GABBR2: variants seen among roughly 807,000 people sequenced by gnomAD.
GABBR2 encodes G-protein coupled receptor 51.
Under a neutral mutation model 105.6 loss-of-function variants are expected in GABBR2, and 23 were observed. That is an observed-to-expected ratio of 0.22 (90% CI 0.16 to 0.31). The LOEUF (loss-of-function observed/expected upper bound fraction) is 0.31, where lower values mean the gene tolerates loss of function less well. Among genes scored for constraint, GABBR2 ranks in the 10% least tolerant of loss-of-function variants. GABBR2 has a pLI of 1.00. For missense variants in GABBR2, 734 were observed against 1,245.5 expected (o/e 0.59, Z 6.18); for synonymous variants, 478 against 499.7 (o/e 0.96, Z 0.58).
chr9:98,594,788 G>C (rs1014669277), intron 1 of GABBR2, among the ~76,000 whole-genome samples: 7 of 152,236 alleles, frequency 4.6e-5, no homozygotes, highest in Admixed American at 4.6e-4. Flanking sequence ...TTGTATAACA[G>C]GGAAGTAATG....
intron 12 of GABBR2, among the ~76,000 whole-genome samples, chr9:98,366,897 CAGA>C (rs1191798536): frequency 6.6e-6 from 1 of 152,178 alleles, no homozygotes; most frequent in Non-Finnish European, 1.5e-5. Context: ...GCCCCCAGAA[CAGA>C]AGGTGTCATC....
chr9:98,475,988 T>C (rs1459209308), intron 5 of GABBR2, among the ~76,000 whole-genome samples: 1 of 152,034 alleles, frequency 6.6e-6, no homozygotes, highest in Admixed American at 6.6e-5. Context: ...TGCTTGAACC[T>C]GGGAGGCAGA....
intron 13 of GABBR2, among the ~76,000 whole-genome samples, chr9:98,318,152 C>A (rs1314944112): frequency 1.3e-5 from 2 of 152,172 alleles, no homozygotes; most frequent in Non-Finnish European, 2.9e-5. Flanking sequence ...TGGCTTCTCA[C>A]TCGATAATGT....
chr9:98,452,086 C>CT (rs1826242094), intron 7 of GABBR2, among the ~76,000 whole-genome samples: 1 of 152,226 alleles, frequency 6.6e-6, no homozygotes, highest in Non-Finnish European at 1.5e-5. Flanking sequence ...GCCACAGGCT[C>CT]TAGGACAGGG....
At chr9:98,318,898 T>TGTGTGTGTGTGTGTGTTGGGG (rs371253723) in intron 13 of GABBR2, among the ~76,000 whole-genome samples, 5 of 131,912 alleles carry the variant, frequency 3.8e-5, no homozygotes, top group Non-Finnish European at 8.4e-5. Flanking sequence ...AGTTTGTGTG[T>TGTGTGTGTGTGTGTGTTGGGG]GTGTGTGTGT....
chr9:98,655,089 A>G (rs1830160720), intron 1 of GABBR2, among the ~76,000 whole-genome samples: 1 of 152,182 alleles, frequency 6.6e-6, no homozygotes, highest in Non-Finnish European at 1.5e-5. Context: ...GGCAGGGATA[A>G]ATAGGGGAGC....
At chr9:98,443,216 G>T (rs761141683) in intron 7 of GABBR2, among the ~76,000 whole-genome samples, 1 of 152,130 alleles carries the variant, frequency 6.6e-6, no homozygotes, top group Non-Finnish European at 1.5e-5. Flanking sequence ...CTTCCAAGGA[G>T]CCTCCTCTTT....
intron 13 of GABBR2, among the ~76,000 whole-genome samples, chr9:98,335,683 CAA>C (rs1324867472): frequency 6.6e-6 from 1 of 152,154 alleles, no homozygotes; most frequent in Non-Finnish European, 1.5e-5. Flanking sequence ...ACAACAACAA[CAA>C]CAACCAAACT....
intron 1 of GABBR2, among the ~76,000 whole-genome samples, chr9:98,701,474 C>T (rs570273622): frequency 2.6e-5 from 4 of 152,186 alleles, no homozygotes; most frequent in African/African-American, 9.6e-5. Context: ...TGTAGTGCCA[C>T]CTCAGTCCTT....
intron 2 of GABBR2, among the ~76,000 whole-genome samples, chr9:98,574,378 C>A (rs112705723): frequency 6.6e-6 from 1 of 152,210 alleles, no homozygotes; most frequent in African/African-American, 2.4e-5. Flanking sequence ...TTGGGGGATG[C>A]CAGCTGCCTT....
intron 5 of GABBR2, among the ~76,000 whole-genome samples, chr9:98,473,823 A>C (rs535640989): frequency 6.6e-6 from 1 of 152,346 alleles, no homozygotes; most frequent in African/African-American, 2.4e-5. Flanking sequence ...GGATACTGTC[A>C]AATTAGCCAG....
At chr9:98,638,696 C>A (rs936560408) in intron 1 of GABBR2, among the ~76,000 whole-genome samples, 1 of 152,078 alleles carries the variant, frequency 6.6e-6, no homozygotes, top group Non-Finnish European at 1.5e-5. Context: ...CCCCAGGCCT[C>A]CACAAACAAG....
chr9:98,337,213 G>A (rs141422708), intron 13 of GABBR2, among the ~76,000 whole-genome samples: 3,960 of 152,250 alleles, frequency 0.026, 177 homozygotes, highest in African/African-American at 0.091. Flanking sequence ...GCCGAGGCAC[G>A]AGAATCGCTT....
chr9:98,610,259 G>A (rs1829486857), intron 1 of GABBR2, among the ~76,000 whole-genome samples: 1 of 152,214 alleles, frequency 6.6e-6, no homozygotes, highest in African/African-American at 2.4e-5. Flanking sequence ...CCTATAAAGA[G>A]AGGATGACAA....
At chr9:98,686,026 C>T (rs1428092585) in intron 1 of GABBR2, among the ~76,000 whole-genome samples, 1 of 152,164 alleles carries the variant, frequency 6.6e-6, no homozygotes, top group Admixed American at 6.5e-5. Flanking sequence ...GATCCTCTTC[C>T]CAACTAGGCC....
chr9:98,620,234 A>G (rs1829649336), intron 1 of GABBR2, among the ~76,000 whole-genome samples: 1 of 127,304 alleles, frequency 7.9e-6, no homozygotes, highest in Non-Finnish European at 1.6e-5. Context: ...CCAATCACTA[A>G]TATTTTCTCT....
At chr9:98,686,946 A>G (rs1429561450) in intron 1 of GABBR2, among the ~76,000 whole-genome samples, 1 of 151,854 alleles carries the variant, frequency 6.6e-6, no homozygotes, top group African/African-American at 2.4e-5. Flanking sequence ...ACCCTCCCTC[A>G]GCAGAGTCAG....
chr9:98,669,822 C>T (rs924961435), intron 1 of GABBR2, among the ~76,000 whole-genome samples: 1 of 152,052 alleles, frequency 6.6e-6, no homozygotes, highest in Non-Finnish European at 1.5e-5. Flanking sequence ...GTCAATGGGG[C>T]ATGTACATGC....
At chr9:98,554,707 G>A (rs940637865) in intron 2 of GABBR2, among the ~76,000 whole-genome samples, 4 of 152,098 alleles carry the variant, frequency 2.6e-5, no homozygotes, top group African/African-American at 7.2e-5. Flanking sequence ...AGATATAATT[G>A]TTTTTGCTAT....
Sources: allele counts gnomAD v4.1 joint callset (sites outside exome capture counted in the v4.1 genomes callset), GRCh38; gene constraint gnomAD v4.1.1; transcripts MANE v1.5; gene names NCBI Gene and HGNC (gene_info 2026-07-23, HGNC 2026-07-21).